Variants in CFAP92 observed in about 807,000 individuals in gnomAD.
The protein encoded by CFAP92 is cilia and flagella associated protein 92 (putative), also known as uncharacterized protein CFAP92.
A neutral mutation model predicts 106.3 loss-of-function variants in CFAP92; 86 were observed. The ratio of observed to expected loss-of-function variants is 0.81; its 90% confidence interval spans 0.68 to 0.97. The LOEUF is 0.97. Among genes scored for constraint, CFAP92 ranks in the 50% least tolerant of loss-of-function variants. The pLI is 0.00. For synonymous variants in CFAP92, 477 were observed against 506.4 expected, an observed-to-expected ratio of 0.94 and a Z score of 0.78; for missense variants, 1,204 against 1,283.8, an observed-to-expected ratio of 0.94 and a Z score of 0.95.
chr3:128,964,795 T>G (rs1031745470), intron 9 of CFAP92, among the ~76,000 whole-genome samples: 59 of 152,268 alleles, frequency 3.9e-4, no homozygotes, highest in African/African-American at 1.2e-3. Context: ...CCCTTCAGCT[T>G]AATCTCTCCC....
chr3:128,988,111 G>C (rs769110206), intron 3 of CFAP92, among the ~76,000 whole-genome samples: 1 of 152,244 alleles, frequency 6.6e-6, no homozygotes, highest in Non-Finnish European at 1.5e-5. Context: ...ACCACTGGCA[G>C]GAGTGTGTGT....
the CFAP92 span, among the ~76,000 whole-genome samples, chr3:129,010,815 A>G: frequency 6.6e-6 from 1 of 152,080 alleles, no homozygotes; most frequent in Admixed American, 6.5e-5. This position sits in a 1 kb window ranked among gnomAD's most constrained non-coding sequence, Gnocchi z 4.3. Flanking sequence ...TCCAGGAACA[A>G]TACTCAGGCT....
At chr3:128,911,352 C>T (rs528688030) in intron 15 of CFAP92, among the ~76,000 whole-genome samples, 10 of 152,206 alleles carry the variant, frequency 6.6e-5, no homozygotes, top group South Asian at 2.1e-4. Context: ...GCCACCGCAC[C>T]GGGCCTGCCA....
At position 128,953,593 on chromosome 3, in the gene CFAP92, CT is replaced by C. The variant is rs1168994177; in HGVS notation, c.1354-7619del. On this transcript the variant is annotated intron_variant, in intron 9 of 15. Coordinates refer to ENST00000645291, the MANE Select transcript of CFAP92 (RefSeq NM_001394090.1). ...TCTCCCTCTCCCTCTCCCTCTCCCT[CT>C]CCCTCCCCCTCTCCCTCTCCCTCTC... Among the ~76,000 whole-genome samples, 27 of 111,780 alleles carry C rather than the reference CT, an allele frequency of 2.4e-4. 1 individual carries two copies. The highest frequency in any genetic ancestry group is 1.1e-3 in the African/African-American group (19 of 17,402). The allele number at this position is 111,780 out of a possible 152,430, so 73.3% of individuals were successfully genotyped here. A position where few individuals can be genotyped will look rare whatever the true frequency, so the allele number is the denominator to read the frequency against.
rs1936142481 is a variant in CFAP92 at position 128,910,384 on chromosome 3, C to T, written c.3281-51G>A. 8 of 1,445,318 alleles carry T rather than the reference C, an allele frequency of 5.5e-6. 1 individual carries two copies. In the South Asian group the frequency reaches 8.5e-5, roughly 15 times the overall value. 89.5% of individuals were successfully genotyped at this position (1,445,318 alleles called of 1,614,324 possible). ...GGGGTTCCTGATCCCAGTGCCCCTA[C>T]CCCCAGCAAGGGACAGACCCTGCAC... On this transcript the variant is annotated intron_variant, in intron 15 of 15. Coordinates refer to ENST00000645291, the MANE Select transcript of CFAP92 (RefSeq NM_001394090.1).
intron 7 of CFAP92, among the ~76,000 whole-genome samples, chr3:128,973,626 A>T (rs905634303): frequency 2.4e-4 from 37 of 151,432 alleles, no homozygotes; most frequent in African/African-American, 9.0e-4. Flanking sequence ...ATTGTACTCC[A>T]GCCTAGGCAA....
chr3:128,922,157 G>A (rs1326311620), intron 12 of CFAP92, among the ~76,000 whole-genome samples: 1 of 151,784 alleles, frequency 6.6e-6, no homozygotes, highest in African/African-American at 2.4e-5. Flanking sequence ...GGCTAACACG[G>A]TGAAACCCCG....
chr3:128,917,080 G>C (rs1026065577), intron 12 of CFAP92, among the ~76,000 whole-genome samples: 2 of 152,160 alleles, frequency 1.3e-5, no homozygotes, highest in Non-Finnish European at 2.9e-5. Context: ...TCACACACAT[G>C]AAAGAACAGA....
intron 9 of CFAP92, among the ~76,000 whole-genome samples, chr3:128,964,659 T>A (rs931958872): frequency 4.6e-5 from 7 of 152,182 alleles, no homozygotes; most frequent in Admixed American, 3.3e-4. Flanking sequence ...TACCTGTTTT[T>A]CTCCCTCTCT....
intron 12 of CFAP92, among the ~76,000 whole-genome samples, chr3:128,926,332 T>G (rs1213809861): frequency 6.6e-6 from 1 of 151,890 alleles, no homozygotes; most frequent in East Asian, 1.9e-4. Context: ...GCCTGGCCAA[T>G]ATGGTGAAAC....
chr3:129,007,681 T>G (rs1487373568), upstream of CFAP92, among the ~76,000 whole-genome samples: 1 of 152,228 alleles, frequency 6.6e-6, no homozygotes, highest in East Asian at 1.9e-4. Context: ...TAAAGTCACA[T>G]ACCCAAACTC....
chr3:129,002,329 G>A (rs2107846961), intron 1 of CFAP92: 2 of 1,512,620 alleles, frequency 1.3e-6, no homozygotes, highest in Non-Finnish European at 8.8e-7. Context: ...CTGCAGGTGC[G>A]CGCCGGCCAC....
In CFAP92 at chr3:128,965,568, T is replaced by C. The variant is rs1410892950; in HGVS notation, c.1296A>G (p.Ile432Met). The stretch of plus-strand genomic sequence containing the variant: ...GAAGGCAGGAAGCACACTTGATCTT[T>C]ATGGTCAGGGGATTTAAATCCTGCT... ...EQKQDLNPLT[I>M]KIKCASCLPS... is the part of the protein sequence containing the mutation. Residue 432 changes from isoleucine (I) to methionine (M), a missense_variant, in exon 9 of 16, where the codon ATA (isoleucine) becomes ATG (methionine). Ile to Met is a conservative substitution (Grantham distance 10, BLOSUM62 1). Coordinates refer to ENST00000645291, the MANE Select transcript of CFAP92 (RefSeq NM_001394090.1). 5.0e-6 allele frequency: 2 copies of C among 398,988 alleles called. No homozygotes were observed. Among genetic ancestry groups the C allele is most frequent in the Non-Finnish European group, 8.8e-6 (2 of 226,048 alleles). The allele number at this position is 398,988 out of a possible 1,614,324, so 24.7% of individuals were successfully genotyped here.
chr3:128,943,802 G>A (rs1939906969), intron 10 of CFAP92, among the ~76,000 whole-genome samples: 1 of 151,960 alleles, frequency 6.6e-6, no homozygotes, highest in Non-Finnish European at 1.5e-5. Flanking sequence ...CTCCCAAAGT[G>A]CTGGGATAAC....
chr3:128,976,813 C>T (rs182401077), intron 6 of CFAP92, among the ~76,000 whole-genome samples, 166 bp downstream of exon 6: 4 of 152,192 alleles, frequency 2.6e-5, no homozygotes, highest in African/African-American at 9.6e-5. Context: ...TGATGTGCAA[C>T]ATGTACTCAT....
At chr3:128,946,981 C>T (rs1391467782) in intron 9 of CFAP92, among the ~76,000 whole-genome samples, 1 of 152,110 alleles carries the variant, frequency 6.6e-6, no homozygotes, top group Non-Finnish European at 1.5e-5. Context: ...AAATACCAAC[C>T]ACACAATGGA....
the CFAP92 span, among the ~76,000 whole-genome samples, chr3:129,011,210 G>A: frequency 1.3e-5 from 2 of 152,168 alleles, no homozygotes; most frequent in African/African-American, 4.8e-5. Context: ...GATTCAACTT[G>A]CTGTTGTGTT....
Position 128,993,140 on chromosome 3 carries a change from G to C in CFAP92, c.165C>G (p.Ile55Met). ...ESDSDRPCSSIESSSEPASTF... is the reference protein window; with the variant it reads ...ESDSDRPCSSMESSSEPASTF... ...TGCTGGCAGGCTCAGATGAGGACTC[G>C]ATGCTGCTGCACGGGCGGTCAGAGT... Residue 55 changes from isoleucine to methionine, a missense_variant, in exon 2 of 16, where the codon ATC (isoleucine) becomes ATG (methionine). Physicochemically the swap from Ile to Met is conservative, Grantham distance 10 (BLOSUM62 1). Transcript: ENST00000645291. 2 of 1,614,082 alleles carry C rather than the reference G, an allele frequency of 1.2e-6. No homozygotes were observed. The highest frequency in any genetic ancestry group is 1.7e-6 in the Non-Finnish European group (2 of 1,179,898).
At chr3:129,001,603 G>GGAGGAGC in intron 1 of CFAP92, 1 of 1,355,012 alleles carries the variant, frequency 7.4e-7, no homozygotes, top group South Asian at 1.8e-5. Context: ...AGGAGGGACC[G>GGAGGAGC]GAGGAGCGAG....
Sources: allele counts gnomAD v4.1 joint callset (sites outside exome capture counted in the v4.1 genomes callset), GRCh38; gene constraint gnomAD v4.1.1; non-coding constraint Gnocchi (gnomAD v3.1); transcripts MANE v1.5; gene names NCBI Gene and HGNC (gene_info 2026-07-23, HGNC 2026-07-21).